WDR45B: variants seen among roughly 807,000 people sequenced by gnomAD.
The protein encoded by WDR45B is WD repeat domain 45B, also known as WD repeat domain phosphoinositide-interacting protein 3.
A neutral mutation model predicts 44.6 loss-of-function variants in WDR45B; 20 were observed. The observed-to-expected ratio is 0.45, with a 90% CI of 0.32 to 0.65. The LOEUF (loss-of-function observed/expected upper bound fraction) is 0.65, where lower values mean the gene tolerates loss of function less well. WDR45B is among the 30% of genes least tolerant of loss of function. The probability of loss-of-function intolerance (pLI) is 0.05; values close to 1 mark genes in which losing one functional copy is unlikely to be tolerated. For missense variants in WDR45B, 323 were observed against 430.2 expected (o/e 0.75, Z 2.20); for synonymous variants, 169 against 164.9 (o/e 1.02, Z -0.19).
At chr17:82,641,905 T>C (rs1297669620) in intron 2 of WDR45B, among the ~76,000 whole-genome samples, 1 of 150,936 alleles carries the variant, frequency 6.6e-6, no homozygotes, top group Non-Finnish European at 1.5e-5. Flanking sequence ...CAGAGATAGA[T>C]ATGTATATAT....
chr17:82,643,826 G>T lies in WDR45B; in HGVS notation c.142+123C>A, dbSNP rs574647253. 858 of 904,894 alleles carry T rather than the reference G, an allele frequency of 9.5e-4. 1 individual carries two copies. Among genetic ancestry groups the T allele is most frequent in the Non-Finnish European group, 1.3e-3 (714 of 559,434 alleles). The allele number at this position is 904,894 out of a possible 1,614,324, so 56.1% of individuals were successfully genotyped here. ...GACAGCTCCCTCCAAGTTTATGAGG[G>T]GCCATGAACCCTATTTACTTCTCGA... On this transcript the variant is annotated intron_variant, in intron 2 of 9. Coordinates refer to ENST00000392325, the MANE Select transcript of WDR45B (RefSeq NM_019613.4).
intron 6 of WDR45B, among the ~76,000 whole-genome samples, chr17:82,620,070 G>A (rs1411527024): frequency 6.6e-6 from 1 of 152,236 alleles, no homozygotes; most frequent in East Asian, 1.9e-4. Context: ...CAAAAATACA[G>A]AGGAACCGCA....
intron 5 of WDR45B, among the ~76,000 whole-genome samples, chr17:82,622,494 G>A (rs1021158935): frequency 1.2e-4 from 18 of 152,140 alleles, no homozygotes; most frequent in Non-Finnish European, 1.8e-4. Context: ...GTACAGTGGC[G>A]TGATCTCGGC....
chr17:82,630,230 G>A lies in WDR45B; in HGVS notation c.244+691C>T, dbSNP rs548872429. Among the ~76,000 whole-genome samples the A allele has an allele frequency of 9.9e-4, 151 of 151,804 alleles. 1 individual carries two copies. Among genetic ancestry groups the A allele is most frequent in the Middle Eastern group, 3.4e-3 (1 of 294 alleles). ...AACTTTCCCAAAACACAGATCTGAC[G>A]GCATCTCCTTCCTGGCCACACGTTA... On this transcript the variant is annotated intron_variant, in intron 3 of 9. Coordinates refer to ENST00000392325, the MANE Select transcript of WDR45B (RefSeq NM_019613.4).
At chr17:82,643,837 C>A in intron 2 of WDR45B, 112 bp downstream of exon 2, 3 of 1,021,094 alleles carry the variant, frequency 2.9e-6, no homozygotes, top group Non-Finnish European at 4.5e-6. Flanking sequence ...GCCATGAACC[C>A]TATTTACTTC....
At chr17:82,616,671 G>C in intron 8 of WDR45B, 26 bp from the exon 9 acceptor site, 3 of 1,613,900 alleles carry the variant, frequency 1.9e-6, no homozygotes, top group Non-Finnish European at 2.5e-6. Context: ...AAGAAAGGGT[G>C]GTTCAAAGTT....
chr17:82,641,213 C>A (rs1358944005), intron 2 of WDR45B, among the ~76,000 whole-genome samples: 1 of 151,966 alleles, frequency 6.6e-6, no homozygotes, highest in Non-Finnish European at 1.5e-5. Flanking sequence ...GCAATCTGCT[C>A]GCCTCAGCCT....
intron 1 of WDR45B, among the ~76,000 whole-genome samples, chr17:82,646,274 T>C (rs2045974206): frequency 6.6e-6 from 1 of 151,606 alleles, no homozygotes; most frequent in Non-Finnish European, 1.5e-5. Flanking sequence ...GCGGATCACC[T>C]GAGGTCAGGA....
At chr17:82,623,643 A>G (rs2045650729) in intron 5 of WDR45B, among the ~76,000 whole-genome samples, 1 of 151,332 alleles carries the variant, frequency 6.6e-6, no homozygotes, top group Non-Finnish European at 1.5e-5. Context: ...GGCTGCAGTG[A>G]GCCGAGATCA....
chr17:82,630,108 T>G (rs2143312735), intron 3 of WDR45B, among the ~76,000 whole-genome samples: 1 of 152,072 alleles, frequency 6.6e-6, no homozygotes, highest in Non-Finnish European at 1.5e-5. Context: ...GGATGCTTGC[T>G]CCACTTTTCC....
At chr17:82,621,543 A>C in intron 6 of WDR45B, 66 bp downstream of exon 6, 96 of 1,550,658 alleles carry the variant, frequency 6.2e-5, no homozygotes, top group Non-Finnish European at 7.7e-5. Context: ...GATACAGGGA[A>C]TGGCCATTTT....
chr17:82,615,508 T>C lies in WDR45B; in HGVS notation c.*411A>G. 3.5e-6 allele frequency: 1 copy of C among 286,448 alleles called. No individual in the cohort carries two copies. 17.7% of individuals were successfully genotyped at this position (286,448 alleles called of 1,614,324 possible). On this transcript the variant is annotated 3_prime_UTR_variant, in exon 10 of 10. Coordinates refer to ENST00000392325, the MANE Select transcript of WDR45B (RefSeq NM_019613.4). ...GTAAGAACTTACATCTGCACACTTG[T>C]TCACTCCCCCGCTGCAGACTCAGTA...
At chr17:82,637,593 A>G (rs1176075221) in intron 2 of WDR45B, among the ~76,000 whole-genome samples, 1 of 152,010 alleles carries the variant, frequency 6.6e-6, no homozygotes, top group African/African-American at 2.4e-5. Context: ...CTGACTGACC[A>G]GCTTCAAGTT....
At position 82,648,353 on chromosome 17, in the gene WDR45B, C is replaced by T; in HGVS notation, c.-13G>A. The T allele has an allele frequency of 6.2e-7, 1 of 1,604,490 alleles. No individual in the cohort carries two copies. Among genetic ancestry groups the T allele is most frequent in the Middle Eastern group, 2.1e-4 (1 of 4,744 alleles). On this transcript the variant is annotated 5_prime_UTR_variant, in exon 1 of 10. Transcript: ENST00000392325. ...GCAGGAGGTTCATGGCGCCGCCGTGCTGGGTCGCCGCTCCTCAGCGCTGCA... is the reference window on the plus strand; with the variant it reads ...GCAGGAGGTTCATGGCGCCGCCGTGTTGGGTCGCCGCTCCTCAGCGCTGCA...
At chr17:82,645,313 AAT>A (rs1351946568) in intron 1 of WDR45B, among the ~76,000 whole-genome samples, 1 of 152,014 alleles carries the variant, frequency 6.6e-6, no homozygotes, top group Non-Finnish European at 1.5e-5. Context: ...AAAAAACAAA[AAT>A]AAAAAATAAA....
chr17:82,622,519 G>A (rs1179715188), intron 5 of WDR45B, among the ~76,000 whole-genome samples: 8 of 152,116 alleles, frequency 5.3e-5, no homozygotes, highest in African/African-American at 1.2e-4. Context: ...TGCAAGCTCC[G>A]CCTCCCAGGT....
intron 2 of WDR45B, among the ~76,000 whole-genome samples, chr17:82,639,160 A>G (rs920001119): frequency 6.6e-6 from 1 of 151,968 alleles, no homozygotes; most frequent in Non-Finnish European, 1.5e-5. Flanking sequence ...TTTTGTTCCT[A>G]TAACACCATC....
At chr17:82,630,005 A>C (rs2045747131) in intron 3 of WDR45B, 1 of 936,966 alleles carries the variant, frequency 1.1e-6, no homozygotes, top group African/African-American at 2.4e-5. Context: ...GCTCCCACTC[A>C]GTCATCCTCT....
In WDR45B at chr17:82,648,298, A is replaced by G; in HGVS notation, c.43T>C (p.Tyr15His). 1 of 1,607,024 alleles carries G rather than the reference A, an allele frequency of 6.2e-7. No individual in the cohort carries two copies. Among genetic ancestry groups the G allele is most frequent in the East Asian group, 2.3e-5 (1 of 44,328 alleles). Residue 15 changes from tyrosine to histidine, a missense_variant, in exon 1 of 10, where the codon TAC (tyrosine) becomes CAC (histidine). Physicochemically the swap from Tyr to His is moderately conservative, Grantham distance 83. Transcript: ENST00000392325. The part of the protein sequence containing the change: ...PCNPHGNGLL[Y>H]AGFNQDHGCF... ...CCGTGGTCCTGGTTGAAGCCGGCGTAGAGCAGCCCGTTGCCGTGAGGGTTA... is the reference window on the plus strand; with the variant it reads ...CCGTGGTCCTGGTTGAAGCCGGCGTGGAGCAGCCCGTTGCCGTGAGGGTTA...
Sources: allele counts gnomAD v4.1 joint callset (sites outside exome capture counted in the v4.1 genomes callset), GRCh38; gene constraint gnomAD v4.1.1; transcripts MANE v1.5; gene names NCBI Gene and HGNC (gene_info 2026-07-23, HGNC 2026-07-21).